The following ATRNL1 variants were observed in gnomAD, a reference collection of about 807,000 sequenced individuals.
The protein encoded by ATRNL1 is attractin like 1.
Under a neutral mutation model 182.7 loss-of-function variants are expected in ATRNL1, and 95 were observed. The ratio of observed to expected loss-of-function variants is 0.52; its 90% confidence interval spans 0.44 to 0.62. The LOEUF is 0.62. Among genes scored for constraint, ATRNL1 ranks in the 20% least tolerant of loss-of-function variants. The pLI, the probability that ATRNL1 is intolerant of heterozygous loss-of-function variation, is 0.00. For missense variants in ATRNL1, 1,471 were observed against 1,679.5 expected (o/e 0.88, Z 2.17); for synonymous variants, 576 against 568.3 (o/e 1.01, Z -0.19).
chr10:115,713,577 C>T (rs1371626872), intron 26 of ATRNL1, among the ~76,000 whole-genome samples: 2 of 150,222 alleles, frequency 1.3e-5, no homozygotes, highest in Admixed American at 6.7e-5. Context: ...TTAAGCCTAA[C>T]ACTAACCATT....
chr10:115,731,526 T>G (rs575849196), intron 27 of ATRNL1, among the ~76,000 whole-genome samples: 1 of 151,950 alleles, frequency 6.6e-6, no homozygotes, highest in Non-Finnish European at 1.5e-5. Context: ...TACATGTAAA[T>G]TCTCGTTTAG....
chr10:115,734,822 AT>A (rs1947901554), intron 27 of ATRNL1, among the ~76,000 whole-genome samples: 1 of 152,120 alleles, frequency 6.6e-6, no homozygotes, highest in Admixed American at 6.5e-5. Context: ...TCTTTAAAAA[AT>A]ATTCCCTTTT....
At chr10:115,602,269 T>C (rs1555016147) in intron 26 of ATRNL1, among the ~76,000 whole-genome samples, 1 of 152,024 alleles carries the variant, frequency 6.6e-6, no homozygotes, top group African/African-American at 2.4e-5. Context: ...CAGGAGAATC[T>C]CTTGAACCCT....
intron 28 of ATRNL1, among the ~76,000 whole-genome samples, chr10:115,903,815 GA>G (rs398114804): frequency 7.9e-6 from 1 of 125,848 alleles, no homozygotes; most frequent in Non-Finnish European, 1.9e-5. Context: ...GGCTGGAGGA[GA>G]AGGAGAAGGC....
intron 19 of ATRNL1, among the ~76,000 whole-genome samples, chr10:115,385,345 A>G (rs554584175): frequency 5.9e-5 from 9 of 152,144 alleles, no homozygotes; most frequent in African/African-American, 1.7e-4. Context: ...CAAGTTGTCT[A>G]TCTTTTCTGC....
intron 26 of ATRNL1, among the ~76,000 whole-genome samples, chr10:115,568,649 T>C (rs1362362611): frequency 6.6e-6 from 1 of 152,016 alleles, no homozygotes; most frequent in Admixed American, 6.6e-5. Flanking sequence ...AAAACAAATG[T>C]AGGTTCTTCT....
intron 26 of ATRNL1, among the ~76,000 whole-genome samples, chr10:115,712,112 G>T (rs1288294432): frequency 6.6e-6 from 1 of 152,188 alleles, no homozygotes; most frequent in Non-Finnish European, 1.5e-5. Context: ...CACAGGAAGA[G>T]TTGGGATTGT....
chr10:115,523,956 A>G (rs1554985924), intron 25 of ATRNL1, among the ~76,000 whole-genome samples: 2 of 152,184 alleles, frequency 1.3e-5, no homozygotes, highest in Non-Finnish European at 2.9e-5. Flanking sequence ...TACTTGGCTC[A>G]TGGTTCTGCA....
intron 5 of ATRNL1, among the ~76,000 whole-genome samples, chr10:115,138,848 C>T (rs1000241108): frequency 6.6e-6 from 1 of 152,174 alleles, no homozygotes; most frequent in Admixed American, 6.5e-5. Flanking sequence ...ATGGGATTTT[C>T]TTTTCTATGG....
rs1474234897 is a variant in ATRNL1 at position 115,389,416 on chromosome 10, G to A, written c.3176-5243G>A. 2.0e-5 allele frequency among the ~76,000 whole-genome samples: 3 copies of A among 150,364 alleles called. No individual in the cohort carries two copies. In the East Asian group the frequency reaches 5.9e-4, roughly 30 times the overall value. On this transcript the variant is annotated intron_variant, in intron 19 of 28. Transcript: ENST00000355044. ...TAATCCCAGCTACTCGGGAGGCTGA[G>A]GCAGGAGAATTGCTTGGACCTGGGA...
intron 26 of ATRNL1, among the ~76,000 whole-genome samples, chr10:115,584,254 T>C (rs1855343068): frequency 7.2e-6 from 1 of 139,518 alleles, no homozygotes; most frequent in African/African-American, 2.5e-5. Flanking sequence ...ATCAGGATGA[T>C]GCTGGCCTCA....
intron 26 of ATRNL1, among the ~76,000 whole-genome samples, chr10:115,670,264 T>C (rs1313118616): frequency 6.6e-6 from 1 of 152,128 alleles, no homozygotes; most frequent in Admixed American, 6.6e-5. Context: ...AAAAAGTGGC[T>C]GTCATATAAT....
chr10:115,629,858 T>C (rs530060537), intron 26 of ATRNL1, among the ~76,000 whole-genome samples: 5 of 152,284 alleles, frequency 3.3e-5, no homozygotes, highest in African/African-American at 9.6e-5. Context: ...AATACTTAAA[T>C]GGCTTCTCGG....
chr10:115,839,793 C>A (rs1950761968), intron 27 of ATRNL1, among the ~76,000 whole-genome samples: 1 of 152,134 alleles, frequency 6.6e-6, no homozygotes, highest in Non-Finnish European at 1.5e-5. Context: ...TAGCACTCTG[C>A]CACCAATAAT....
At chr10:115,681,575 A>G (rs1946047375) in intron 26 of ATRNL1, among the ~76,000 whole-genome samples, 1 of 152,070 alleles carries the variant, frequency 6.6e-6, no homozygotes, top group Non-Finnish European at 1.5e-5. Context: ...GTTTGATAGA[A>G]GGTTGTGTTT....
At chr10:115,473,203 G>A (rs770409127) in intron 24 of ATRNL1, among the ~76,000 whole-genome samples, 3 of 151,262 alleles carry the variant, frequency 2.0e-5, no homozygotes, top group Non-Finnish European at 4.4e-5. Context: ...ACTTGATCAT[G>A]TTTTATGATA....
chr10:115,918,084 C>A (rs1555117821), intron 28 of ATRNL1, among the ~76,000 whole-genome samples: 1 of 142,692 alleles, frequency 7.0e-6, no homozygotes, highest in Admixed American at 7.4e-5. Flanking sequence ...TTACAGCAAT[C>A]TATTTTTTAG....
At chr10:115,849,714 G>A (rs1336340401) in intron 28 of ATRNL1, among the ~76,000 whole-genome samples, 1 of 151,978 alleles carries the variant, frequency 6.6e-6, no homozygotes, top group East Asian at 1.9e-4. Context: ...ATAAATGAGG[G>A]GAGTGAGACG....
intron 26 of ATRNL1, among the ~76,000 whole-genome samples, chr10:115,703,746 T>C (rs1389327189): frequency 6.6e-6 from 1 of 151,714 alleles, no homozygotes; most frequent in African/African-American, 2.4e-5. Context: ...ATTAAAGAAA[T>C]GAAAGAAAGA....
Sources: allele counts gnomAD v4.1 joint callset (sites outside exome capture counted in the v4.1 genomes callset), GRCh38; gene constraint gnomAD v4.1.1; transcripts MANE v1.5; gene names NCBI Gene and HGNC (gene_info 2026-07-23, HGNC 2026-07-21).